The following FOXN3 variants were observed in gnomAD, a reference collection of about 807,000 sequenced individuals.
FOXN3 encodes the protein forkhead box protein N3.
Under a neutral mutation model 38.4 loss-of-function variants are expected in FOXN3, and 7 were observed. That is an observed-to-expected ratio of 0.18 (90% confidence interval 0.10 to 0.34). The LOEUF is 0.34. Ranked by LOEUF, FOXN3 falls within the 10% of genes least tolerant of loss-of-function variation. The pLI is 1.00. For missense variants in FOXN3, 456 were observed against 613.4 expected (o/e 0.74, Z 2.71); for synonymous variants, 230 against 242.2 (o/e 0.95, Z 0.47).
At chr14:89,475,546 T>C (rs929055562) in intron 1 of FOXN3, among the ~76,000 whole-genome samples, 1 of 152,156 alleles carries the variant, frequency 6.6e-6, no homozygotes, top group African/African-American at 2.4e-5. Context: ...CCCCAGCTAC[T>C]TGGGAGGCTG....
chr14:89,313,479 AC>A (rs1387173695), intron 3 of FOXN3, among the ~76,000 whole-genome samples: 1 of 151,830 alleles, frequency 6.6e-6, no homozygotes, highest in African/African-American at 2.4e-5. Flanking sequence ...AATCGCTTGA[AC>A]CTGGGAGGAG....
At chr14:89,441,720 T>C (rs1311754079) in intron 1 of FOXN3, among the ~76,000 whole-genome samples, 1 of 152,024 alleles carries the variant, frequency 6.6e-6, no homozygotes, top group Non-Finnish European at 1.5e-5. Flanking sequence ...CATTAACATA[T>C]CTATGAAATA....
chr14:89,514,284 C>A (rs191716217), intron 1 of FOXN3, among the ~76,000 whole-genome samples: 1 of 152,196 alleles, frequency 6.6e-6, no homozygotes, highest in Non-Finnish European at 1.5e-5. Flanking sequence ...TGCTTCTGGG[C>A]GGCAGGTCTC....
At chr14:89,258,259 T>C (rs977607489) in intron 4 of FOXN3, among the ~76,000 whole-genome samples, 3 of 152,172 alleles carry the variant, frequency 2.0e-5, no homozygotes, top group Admixed American at 6.5e-5. Context: ...GGACAACAGT[T>C]CTGATTTCAT....
intron 1 of FOXN3, among the ~76,000 whole-genome samples, chr14:89,517,753 T>C (rs1015551112): frequency 6.6e-6 from 1 of 152,178 alleles, no homozygotes; most frequent in African/African-American, 2.4e-5. Flanking sequence ...AGAAGAGCAA[T>C]TGCAGAGGCC....
intron 1 of FOXN3, among the ~76,000 whole-genome samples, chr14:89,568,116 A>C (rs1895403107): frequency 1.3e-5 from 2 of 151,512 alleles, no homozygotes; most frequent in African/African-American, 4.9e-5. Flanking sequence ...AATTTCTCCC[A>C]TCTTAGTAAT....
chr14:89,595,979 G>A (rs1287280117), intron 1 of FOXN3, among the ~76,000 whole-genome samples: 2 of 151,930 alleles, frequency 1.3e-5, no homozygotes, highest in East Asian at 3.8e-4. Flanking sequence ...TTCCCTTTAT[G>A]CTGCTAATAT....
intron 1 of FOXN3, among the ~76,000 whole-genome samples, chr14:89,536,844 A>G (rs1156952617): frequency 6.6e-6 from 1 of 152,208 alleles, no homozygotes; most frequent in African/African-American, 2.4e-5. Flanking sequence ...CTCCAGGTTT[A>G]TCTTCCAAAA....
intron 1 of FOXN3, among the ~76,000 whole-genome samples, chr14:89,454,285 C>G (rs562548022): frequency 6.6e-6 from 1 of 152,236 alleles, no homozygotes; most frequent in South Asian, 2.1e-4. Flanking sequence ...GCCTGGGCAA[C>G]AGAGTGAGAC....
intron 4 of FOXN3, among the ~76,000 whole-genome samples, chr14:89,270,364 G>C (rs941436039): frequency 6.6e-6 from 1 of 152,220 alleles, no homozygotes; most frequent in African/African-American, 2.4e-5. Context: ...AACATCTTAG[G>C]AAATTGCAAG....
At chr14:89,431,133 GA>G (rs1254711352) in intron 1 of FOXN3, among the ~76,000 whole-genome samples, 2 of 152,178 alleles carry the variant, frequency 1.3e-5, no homozygotes, top group East Asian at 3.8e-4. Context: ...ATATTTATAG[GA>G]AAGTGCTTCA....
At chr14:89,283,402 G>C (rs1596152425) in intron 3 of FOXN3, among the ~76,000 whole-genome samples, 1 of 152,148 alleles carries the variant, frequency 6.6e-6, no homozygotes, top group Non-Finnish European at 1.5e-5. Flanking sequence ...GCTGCAGGTT[G>C]GGAAGGCAAC....
At chr14:89,172,461 G>A (rs558300791) in intron 5 of FOXN3, among the ~76,000 whole-genome samples, 179 of 152,190 alleles carry the variant, frequency 1.2e-3, no homozygotes, top group African/African-American at 4.2e-3. Context: ...ACCATAATAG[G>A]GTGTCTTTTC....
chr14:89,299,967 T>C (rs1184950760), intron 3 of FOXN3, among the ~76,000 whole-genome samples: 3 of 152,206 alleles, frequency 2.0e-5, no homozygotes, highest in Non-Finnish European at 4.4e-5. Flanking sequence ...GCAAGAAGGC[T>C]GGCCACACTT....
At chr14:89,353,377 G>C (rs1380179582) in intron 2 of FOXN3, 1 of 152,142 alleles carries the variant, frequency 6.6e-6, no homozygotes. Flanking sequence ...AACCATATCT[G>C]ATTGATTTTC....
intron 4 of FOXN3, among the ~76,000 whole-genome samples, chr14:89,254,231 A>G (rs943170209): frequency 6.6e-6 from 1 of 152,240 alleles, no homozygotes; most frequent in African/African-American, 2.4e-5. Flanking sequence ...GGCTCTGCGC[A>G]TAGTAGAAAG....
At chr14:89,334,834 C>CGCACCA (rs1487392173) in intron 3 of FOXN3, among the ~76,000 whole-genome samples, 9 of 152,150 alleles carry the variant, frequency 5.9e-5, no homozygotes, top group Non-Finnish European at 1.3e-4. Flanking sequence ...ATGGTGCGAT[C>CGCACCA]TCAGCTCACT....
chr14:89,230,726 C>T lies in FOXN3; in HGVS notation c.746-49920G>A, dbSNP rs186987030. On this transcript the variant is annotated intron_variant, in intron 4 of 5. Transcript: ENST00000557258. ...AGTATCAAGAACTGCACTACGCACACGACAGGCGCCACACACTCTTTATTA... is the reference window on the plus strand; with the variant it reads ...AGTATCAAGAACTGCACTACGCACATGACAGGCGCCACACACTCTTTATTA... 1,049 of 336,746 alleles carry T rather than the reference C, an allele frequency of 3.1e-3. 9 individuals carry two copies. The highest frequency in any genetic ancestry group is 0.016 in the Middle Eastern group (15 of 912). The allele number at this position is 336,746 out of a possible 1,614,324, so 20.9% of individuals were successfully genotyped here. A position where few individuals can be genotyped will look rare whatever the true frequency, so the allele number is the denominator to read the frequency against.
chr14:89,164,205 C>T lies in FOXN3; in HGVS notation c.852-1236G>A, dbSNP rs1887180665. Among the ~76,000 whole-genome samples the T allele has an allele frequency of 6.6e-6, 1 of 152,148 alleles. No homozygotes were observed. The highest frequency in any genetic ancestry group is 1.5e-5 in the Non-Finnish European group (1 of 68,030). ...CTGCCTGTCTGTTAGTGCCTGGCGC[C>T]CAGCCTTCAGAAGGATGAATACTTG... On this transcript the variant is annotated intron_variant, in intron 5 of 5. Transcript: ENST00000557258. This position sits in a 1 kb window ranked among gnomAD's most constrained non-coding sequence, Gnocchi z 4.3.
Sources: gnomAD v4.1 joint callset for allele counts (sites outside exome capture counted in the v4.1 genomes callset) on GRCh38, gnomAD v4.1.1 for gene constraint, Gnocchi (gnomAD v3.1) non-coding constraint, MANE v1.5 for transcripts, NCBI Gene and HGNC (gene_info 2026-07-23, HGNC 2026-07-21) for gene names.